Variants in NEMP2 observed in about 807,000 individuals in gnomAD.
The protein encoded by NEMP2 is nuclear envelope integral membrane protein 2, also known as UPF0571 transmembrane protein.
Under a neutral mutation model 54.2 loss-of-function variants are expected in NEMP2, and 53 were observed. The observed-to-expected ratio is 0.98, with a 90% CI of 0.78 to 1.23. NEMP2 has a LOEUF of 1.23. NEMP2 is among the 50% of genes most tolerant of loss of function. The pLI, the probability that NEMP2 is intolerant of heterozygous loss-of-function variation, is 0.00. For synonymous variants in NEMP2, 197 were observed against 190.3 expected, an observed-to-expected ratio of 1.04 and a Z score of -0.29; for missense variants, 455 against 511.3, an observed-to-expected ratio of 0.89 and a Z score of 1.06.
chr2:190,474,489 A>G, the NEMP2 span, among the ~76,000 whole-genome samples: 68 of 151,566 alleles, frequency 4.5e-4, no homozygotes, highest in African/African-American at 1.6e-3. Flanking sequence ...ATTCCTTGAC[A>G]CAAACAACCT....
the NEMP2 span, among the ~76,000 whole-genome samples, chr2:190,604,879 G>C: frequency 6.6e-6 from 1 of 152,042 alleles, no homozygotes; most frequent in Admixed American, 6.5e-5. This position sits in a 1 kb window ranked among gnomAD's most constrained non-coding sequence, Gnocchi z 4.5. Flanking sequence ...CATGCCTTGT[G>C]ACCAAAACCG....
rs1388738880 is a variant in NEMP2, at chr2:190,507,557, A to G, written c.*1632T>C. 1 of 152,174 alleles carries G rather than the reference A, an allele frequency of 6.6e-6. No individual in the cohort carries two copies. The highest frequency in any genetic ancestry group is 1.9e-4 in the East Asian group (1 of 5,198). The allele number at this position is 152,174 out of a possible 1,614,324, so 9.4% of individuals were successfully genotyped here. On this transcript the variant is annotated 3_prime_UTR_variant, in exon 9 of 9. Coordinates refer to ENST00000409150, the MANE Select transcript of NEMP2 (RefSeq NM_001142645.2). The surrounding 1 kb of genome is among the most constrained non-coding windows in gnomAD (Gnocchi z 4.4). Reference sequence around the variant, plus strand: ...AAGAAAAATATTCAAACTTCTATTTACTCATAAAATAGTTACCATAAATCT... The same window carrying G: ...AAGAAAAATATTCAAACTTCTATTTGCTCATAAAATAGTTACCATAAATCT...
chr2:190,534,510 C>CG, intron 1 of NEMP2, 49 bp downstream of exon 1: 1 of 1,355,214 alleles, frequency 7.4e-7, no homozygotes. Context: ...GCCGCGAAGC[C>CG]GGGGAGCGAG....
At chr2:190,569,517 C>T in the NEMP2 span, among the ~76,000 whole-genome samples, 1 of 152,104 alleles carries the variant, frequency 6.6e-6, no homozygotes, top group Admixed American at 6.6e-5. Context: ...TCTTCCATAC[C>T]AGGAGATAAG....
chr2:190,496,650 ATGTG>A, the NEMP2 span, among the ~76,000 whole-genome samples: 6 of 151,352 alleles, frequency 4.0e-5, no homozygotes, highest in African/African-American at 1.5e-4. The surrounding 1 kb of genome is among the most constrained non-coding windows in gnomAD (Gnocchi z 4.7). Context: ...ATATATGTAT[ATGTG>A]TATATGTGTG....
chr2:190,565,244 A>T, the NEMP2 span, among the ~76,000 whole-genome samples: 3 of 152,116 alleles, frequency 2.0e-5, no homozygotes, highest in East Asian at 3.8e-4. Flanking sequence ...AGGCAGGAGG[A>T]CCTAAACAAT....
chr2:190,648,044 G>A, the NEMP2 span, among the ~76,000 whole-genome samples: 1 of 152,054 alleles, frequency 6.6e-6, no homozygotes, highest in Non-Finnish European at 1.5e-5. Flanking sequence ...TAATACTTTG[G>A]TTAGCAAAGT....
the NEMP2 span, among the ~76,000 whole-genome samples, chr2:190,429,063 A>G: frequency 2.0e-5 from 3 of 152,078 alleles, no homozygotes; most frequent in Non-Finnish European, 4.4e-5. Flanking sequence ...CAAGTTGATC[A>G]TCTTTTTACA....
At chr2:190,624,299 CA>C in the NEMP2 span, among the ~76,000 whole-genome samples, 1 of 152,080 alleles carries the variant, frequency 6.6e-6, no homozygotes, top group East Asian at 1.9e-4. Context: ...ACAAAAACAA[CA>C]GATGGTGGTG....
chr2:190,565,212 A>G, the NEMP2 span, among the ~76,000 whole-genome samples: 2 of 152,020 alleles, frequency 1.3e-5, no homozygotes, highest in African/African-American at 4.8e-5. Flanking sequence ...CATCAGAAAA[A>G]CCAAGCCTGA....
chr2:190,459,633 GA>G, the NEMP2 span, among the ~76,000 whole-genome samples: 9 of 151,964 alleles, frequency 5.9e-5, no homozygotes, highest in Non-Finnish European at 1.5e-5. The surrounding 1 kb of genome is among the most constrained non-coding windows in gnomAD (Gnocchi z 5.3). Context: ...CACAACTTAA[GA>G]AAAAAACAGA....
the NEMP2 span, among the ~76,000 whole-genome samples, chr2:190,430,043 A>G: frequency 2.9e-5 from 4 of 136,102 alleles, no homozygotes; most frequent in Non-Finnish European, 4.5e-5. Flanking sequence ...TCCCTGCCCT[A>G]TGTCCAAGTG....
At chr2:190,455,006 T>TATGTATATGTATA in the NEMP2 span, among the ~76,000 whole-genome samples, 14 of 119,144 alleles carry the variant, frequency 1.2e-4, no homozygotes, top group African/African-American at 3.7e-4. Flanking sequence ...GTATAATGTA[T>TATGTATATGTATA]ATGTATATGT....
the NEMP2 span, among the ~76,000 whole-genome samples, chr2:190,543,733 C>A: frequency 6.6e-6 from 1 of 152,198 alleles, no homozygotes; most frequent in Admixed American, 6.5e-5. This position sits in a 1 kb window ranked among gnomAD's most constrained non-coding sequence, Gnocchi z 4.7. Context: ...GTGAAGCCAG[C>A]TTGCTTATAA....
At chr2:190,646,318 A>T in the NEMP2 span, among the ~76,000 whole-genome samples, 4 of 152,192 alleles carry the variant, frequency 2.6e-5, no homozygotes, top group Non-Finnish European at 5.9e-5. Context: ...TTCCTCTAAC[A>T]AATCCTCAGG....
At chr2:190,589,853 GGCCAA>G in the NEMP2 span, among the ~76,000 whole-genome samples, 4 of 152,128 alleles carry the variant, frequency 2.6e-5, no homozygotes, top group African/African-American at 9.7e-5. This position sits in a 1 kb window ranked among gnomAD's most constrained non-coding sequence, Gnocchi z 4.3. Context: ...ACTAAAGACT[GGCCAA>G]TTCAAATACC....
the NEMP2 span, chr2:190,497,618 A>G: frequency 6.2e-7 from 1 of 1,614,166 alleles, no homozygotes; most frequent in Non-Finnish European, 8.5e-7. This position sits in a 1 kb window ranked among gnomAD's most constrained non-coding sequence, Gnocchi z 5.2. Flanking sequence ...CTGGGGAGTC[A>G]GCTCTTCTCC....
the NEMP2 span, among the ~76,000 whole-genome samples, chr2:190,643,604 G>A: frequency 6.6e-6 from 1 of 152,282 alleles, no homozygotes; most frequent in Non-Finnish European, 1.5e-5. Flanking sequence ...AGGATCAGAT[G>A]AATTAATACT....
chr2:190,613,337 A>G, the NEMP2 span, among the ~76,000 whole-genome samples: 2 of 152,234 alleles, frequency 1.3e-5, no homozygotes, highest in Middle Eastern at 3.4e-3. Context: ...TTAATGTTTT[A>G]TTAAAAACAT....
Sources: allele counts gnomAD v4.1 joint callset (sites outside exome capture counted in the v4.1 genomes callset), GRCh38; gene constraint gnomAD v4.1.1; non-coding constraint Gnocchi (gnomAD v3.1); transcripts MANE v1.5; gene names NCBI Gene and HGNC (gene_info 2026-07-23, HGNC 2026-07-21).